Variants in SLC39A11 observed in about 807,000 individuals in gnomAD.
SLC39A11 encodes the protein solute carrier family 39 member 11.
Under a neutral mutation model 36.1 loss-of-function variants are expected in SLC39A11, and 33 were observed. The observed-to-expected ratio is 0.91, with a 90% CI of 0.69 to 1.22. SLC39A11 has a LOEUF of 1.22. Among genes scored for constraint, SLC39A11 ranks in the 50% most tolerant of loss-of-function variants. The probability of loss-of-function intolerance (pLI) is 0.00; values close to 1 mark genes in which losing one functional copy is unlikely to be tolerated. For missense variants in SLC39A11, 432 were observed against 430.3 expected (o/e 1.00, Z -0.03); for synonymous variants, 166 against 170.3 (o/e 0.97, Z 0.20).
At chr17:72,906,314 G>A (rs2082654709) in intron 5 of SLC39A11, among the ~76,000 whole-genome samples, 2 of 152,370 alleles carry the variant, frequency 1.3e-5, no homozygotes, top group African/African-American at 4.8e-5. Context: ...AAATGGCCAG[G>A]AAGCCAGGCC....
intron 5 of SLC39A11, among the ~76,000 whole-genome samples, chr17:72,938,208 C>G (rs573480931): frequency 6.6e-6 from 1 of 152,274 alleles, no homozygotes; most frequent in African/African-American, 2.4e-5. Context: ...ACCTGCCACC[C>G]AGAAAGGAGA....
chr17:72,881,131 A>G (rs1034776811), intron 5 of SLC39A11, among the ~76,000 whole-genome samples: 1 of 152,004 alleles, frequency 6.6e-6, no homozygotes, highest in Non-Finnish European at 1.5e-5. Context: ...ACATACACCT[A>G]CCATACGGTC....
chr17:72,755,436 T>C (rs2713965), intron 6 of SLC39A11, among the ~76,000 whole-genome samples: 34,760 of 152,072 alleles, frequency 0.23, 4,676 homozygotes, highest in East Asian at 0.41. Flanking sequence ...AAGCAGGAAA[T>C]GCCAATGCCA....
At chr17:73,021,937 CGCAGTGCGT>C (rs2058365201) in intron 4 of SLC39A11, among the ~76,000 whole-genome samples, 1 of 152,236 alleles carries the variant, frequency 6.6e-6, no homozygotes, top group African/African-American at 2.4e-5. Context: ...AGCCAGCCCA[CGCAGTGCGT>C]GTGTGTGTGC....
chr17:73,086,493 A>C (rs971155202), intron 2 of SLC39A11, among the ~76,000 whole-genome samples: 1 of 152,220 alleles, frequency 6.6e-6, no homozygotes, highest in Non-Finnish European at 1.5e-5. Context: ...AAGTGAAAGA[A>C]GCCATGTGGT....
intron 3 of SLC39A11, among the ~76,000 whole-genome samples, chr17:73,039,690 T>C (rs1048935297): frequency 1.3e-5 from 2 of 152,150 alleles, no homozygotes; most frequent in African/African-American, 4.8e-5. Context: ...ATAATTGAGA[T>C]TTTCATGGGT....
intron 7 of SLC39A11, among the ~76,000 whole-genome samples, chr17:72,730,273 G>A (rs996389530): frequency 6.6e-6 from 1 of 152,150 alleles, no homozygotes. Context: ...GCCTACAAAC[G>A]CAGCATCAGG....
chr17:73,067,744 T>C (rs1464812999), intron 3 of SLC39A11: 1 of 802,494 alleles, frequency 1.2e-6, no homozygotes, highest in Admixed American at 2.5e-5. Flanking sequence ...TGCATAAACA[T>C]AGAGTAGACA....
At chr17:72,888,241 A>AAT (rs1567889117) in intron 5 of SLC39A11, among the ~76,000 whole-genome samples, 1 of 151,700 alleles carries the variant, frequency 6.6e-6, no homozygotes, top group Non-Finnish European at 1.5e-5. Flanking sequence ...TTAAGCTCGA[A>AAT]TAAATTATAA....
rs142182245 is a variant in SLC39A11 at position 73,048,952 on chromosome 17, C to A, written c.148-17238G>T. On this transcript the variant is annotated intron_variant, in intron 3 of 9. Transcript: ENST00000255559. ...AATAGATAATAACGCAGATGTGCTG[C>A]GTGACCAGATGGATACACACACACA... Among the ~76,000 whole-genome samples the A allele has an allele frequency of 2.6e-3, 402 of 152,276 alleles. 9 individuals carry two copies. Among genetic ancestry groups the A allele is most frequent in the Non-Finnish European group, 2.8e-4 (19 of 68,024 alleles).
intron 6 of SLC39A11, among the ~76,000 whole-genome samples, chr17:72,832,175 T>C (rs1343722119): frequency 2.0e-5 from 3 of 152,182 alleles, no homozygotes; most frequent in African/African-American, 7.2e-5. Flanking sequence ...GAGGATGTGG[T>C]GCTGTCCCTT....
chr17:72,956,592 C>A (rs2086259598), intron 4 of SLC39A11, among the ~76,000 whole-genome samples: 1 of 152,200 alleles, frequency 6.6e-6, no homozygotes, highest in Non-Finnish European at 1.5e-5. Flanking sequence ...TGAAGTATTT[C>A]TTTTCTAATC....
chr17:72,808,947 T>C (rs1324244429), intron 6 of SLC39A11, among the ~76,000 whole-genome samples: 3 of 152,340 alleles, frequency 2.0e-5, no homozygotes, highest in African/African-American at 7.2e-5. Flanking sequence ...ATTTGAGTAA[T>C]AAACTGTCTT....
intron 3 of SLC39A11, among the ~76,000 whole-genome samples, chr17:73,036,987 C>G (rs547679598): frequency 4.6e-4 from 65 of 141,512 alleles, no homozygotes; most frequent in African/African-American, 1.6e-3. Flanking sequence ...CAGCATGGAA[C>G]CTTTCCAGAT....
intron 5 of SLC39A11, among the ~76,000 whole-genome samples, chr17:72,898,670 T>G (rs998164112): frequency 6.6e-6 from 1 of 152,236 alleles, no homozygotes; most frequent in Non-Finnish European, 1.5e-5. Context: ...CATATATGCA[T>G]GCACATACAT....
intron 6 of SLC39A11, among the ~76,000 whole-genome samples, chr17:72,807,839 C>G (rs567658466): frequency 6.6e-6 from 1 of 152,118 alleles, no homozygotes; most frequent in African/African-American, 2.4e-5. Context: ...CTGAACCCGA[C>G]GAGGGGGTCG....
intron 5 of SLC39A11, among the ~76,000 whole-genome samples, chr17:72,861,932 C>T (rs2080061504): frequency 6.6e-6 from 1 of 150,868 alleles, no homozygotes; most frequent in Admixed American, 6.6e-5. Context: ...GAAGAACAAG[C>T]ACCACTCTGT....
intron 6 of SLC39A11, among the ~76,000 whole-genome samples, chr17:72,769,640 G>A (rs538187425): frequency 6.6e-6 from 1 of 152,108 alleles, no homozygotes; most frequent in East Asian, 1.9e-4. Flanking sequence ...CCCCTCCTGG[G>A]TTCAAGTGAT....
chr17:72,820,561 G>A (rs1276835780), intron 6 of SLC39A11, among the ~76,000 whole-genome samples: 1 of 151,090 alleles, frequency 6.6e-6, no homozygotes, highest in African/African-American at 2.4e-5. Flanking sequence ...GGATTGCAGA[G>A]CTCAGCAAGA....
Sources: gnomAD v4.1 joint callset for allele counts (sites outside exome capture counted in the v4.1 genomes callset) on GRCh38, gnomAD v4.1.1 for gene constraint, MANE v1.5 for transcripts, NCBI Gene and HGNC (gene_info 2026-07-23, HGNC 2026-07-21) for gene names.